Variants in LRRC4 observed in about 807,000 individuals in gnomAD.
The protein encoded by LRRC4 is leucine-rich repeat-containing protein 4.
Under a neutral mutation model 37.9 loss-of-function variants are expected in LRRC4, and 11 were observed. The observed-to-expected ratio is 0.29, with a 90% confidence interval of 0.18 to 0.48. LRRC4 has a LOEUF of 0.48. Among genes scored for constraint, LRRC4 ranks in the 20% least tolerant of loss-of-function variants. The probability of loss-of-function intolerance (pLI) is 0.99; values close to 1 mark genes in which losing one functional copy is unlikely to be tolerated. For missense variants in LRRC4, 717 were observed against 842.1 expected, an observed-to-expected ratio of 0.85 and a Z score of 1.84; for synonymous variants, 404 against 346.7, an observed-to-expected ratio of 1.17 and a Z score of -1.84.
Position 128,029,913 on chromosome 7 carries a change from G to A in LRRC4, c.728C>T (p.Ser243Phe), listed in dbSNP as rs762463640. The change falls in exon 2 of 2, where the codon TCC (serine) becomes TTC (phenylalanine). Residue 243 changes from serine (S) to phenylalanine (F), a missense_variant. Transcript: ENST00000249363. This position sits in a 1 kb window ranked among gnomAD's most constrained non-coding sequence, Gnocchi z 4.2. ...IRPGSFHGLS[S>F]LKKLWVMNSQ... ...GTTCATGACCCAGAGCTTCTTGAGGGAGCTCAGGCCATGGAAGGAGCCAGG... is the reference window on the plus strand; with the variant it reads ...GTTCATGACCCAGAGCTTCTTGAGGAAGCTCAGGCCATGGAAGGAGCCAGG... 3.7e-6 allele frequency: 6 copies of A among 1,613,216 alleles called. No homozygotes were observed.
chr7:128,030,272 G>A lies in LRRC4; in HGVS notation c.369C>T (p.Ala123=), dbSNP rs147967619. 5.6e-6 allele frequency: 9 copies of A among 1,614,058 alleles called. No homozygotes were observed. Among genetic ancestry groups the A allele is most frequent in the Non-Finnish European group, 6.8e-6 (8 of 1,180,040 alleles). The change falls in exon 2 of 2, where the codon GCC becomes GCT. Residue 123 remains alanine, a synonymous_variant. Transcript: ENST00000249363. ...CGAACAGCTCCAGGGTGTTGAGGCT[G>A]GCCAGGCCGTTGAAGGCCCCCACCT... ...QIEVGAFNGL[A]SLNTLELFDN...
At chr7:128,032,073 C>A (rs1251364121), upstream of LRRC4, 1 of 151,970 alleles carries the variant, frequency 6.6e-6, no homozygotes, top group Non-Finnish European at 1.5e-5. Flanking sequence ...AGACTGCTCT[C>A]TCATCCTTTT....
In LRRC4 at chr7:128,029,406, G is replaced by A. The variant is rs753982427; in HGVS notation, c.1235C>T (p.Ser412Phe). 3 of 1,614,224 alleles carry A rather than the reference G, an allele frequency of 1.9e-6. No individual in the cohort carries two copies. In the East Asian group the frequency reaches 6.7e-5, roughly 36 times the overall value. ...SVLNDGTLNF[S>F]HVLLSDTGVY... Reference sequence around the variant, plus strand: ...CCCAGTGTCTGAAAGCAGCACGTGGGAAAAGTTCAAGGTGCCGTCGTTGAG... The same window carrying A: ...CCCAGTGTCTGAAAGCAGCACGTGGAAAAAGTTCAAGGTGCCGTCGTTGAG... The change falls in exon 2 of 2, where the codon TCC becomes TTC. Residue 412 changes from serine to phenylalanine, a missense_variant. Ser to Phe is a radical substitution (Grantham distance 155). Coordinates refer to ENST00000249363, the MANE Select transcript of LRRC4 (RefSeq NM_022143.5). The surrounding 1 kb of genome is among the most constrained non-coding windows in gnomAD (Gnocchi z 4.2).
chr7:128,029,942 G>C lies in LRRC4; in HGVS notation c.699C>G (p.Ile233Met), dbSNP rs750383119. Reference sequence around the variant, plus strand: ...TCAGGCCATGGAAGGAGCCAGGCCTGATCTCAGGGAAGTGGTTCCCTGACA... The same window carrying C: ...TCAGGCCATGGAAGGAGCCAGGCCTCATCTCAGGGAAGTGGTTCCCTGACA... ...LEMSGNHFPE[I>M]RPGSFHGLSS... Residue 233 changes from isoleucine to methionine, a missense_variant, in exon 2 of 2, where the codon ATC becomes ATG. By Grantham distance (10) the Ile-to-Met change is conservative (BLOSUM62 1). Coordinates refer to ENST00000249363, the MANE Select transcript of LRRC4 (RefSeq NM_022143.5). The surrounding 1 kb of genome is among the most constrained non-coding windows in gnomAD (Gnocchi z 4.2). 1 of 1,613,070 alleles carries C rather than the reference G, an allele frequency of 6.2e-7. No individual in the cohort carries two copies. Among genetic ancestry groups the C allele is most frequent in the African/African-American group, 1.3e-5 (1 of 74,906 alleles).
At chr7:128,031,821 C>T (rs1178103471), upstream of LRRC4, among the ~76,000 whole-genome samples, 4 of 149,448 alleles carry the variant, frequency 2.7e-5, no homozygotes, top group South Asian at 2.1e-4. Context: ...CCGCCGGCTC[C>T]GGCTTTGTGC....
chr7:128,029,426 G>C lies in LRRC4; in HGVS notation c.1215C>G (p.Asn405Lys). Residue 405 changes from asparagine (N) to lysine (K), a missense_variant, in exon 2 of 2, where the codon AAC becomes AAG. Physicochemically the swap from Asn to Lys is moderately conservative, Grantham distance 94. Coordinates refer to ENST00000249363, the MANE Select transcript of LRRC4 (RefSeq NM_022143.5). The surrounding 1 kb of genome is among the most constrained non-coding windows in gnomAD (Gnocchi z 4.2). ...CGTGGGAAAAGTTCAAGGTGCCGTC[G>C]TTGAGGACAGAGATCCTTGGGTGGC... is the stretch of plus-strand genomic sequence containing the variant. ...ASRHPRISVLNDGTLNFSHVL... is the reference protein window; with the variant it reads ...ASRHPRISVLKDGTLNFSHVL... 6.2e-7 allele frequency: 1 copy of C among 1,614,202 alleles called. No individual in the cohort carries two copies. Among genetic ancestry groups the C allele is most frequent in the South Asian group, 1.1e-5 (1 of 91,090 alleles).
rs1429073851 is a variant in LRRC4 at position 128,028,146 on chromosome 7, A to G, written c.*533T>C. On this transcript the variant is annotated 3_prime_UTR_variant, in exon 2 of 2. Coordinates refer to ENST00000249363, the MANE Select transcript of LRRC4 (RefSeq NM_022143.5). ...GCCTCTGAAGAAAAATATTATTGCC[A>G]CTATCATTTTGGCACAGTACAAATT... 2 of 152,418 alleles carry G rather than the reference A, an allele frequency of 1.3e-5. No individual in the cohort carries two copies. Among genetic ancestry groups the G allele is most frequent in the Non-Finnish European group, 2.9e-5 (2 of 68,040 alleles). The allele number at this position is 152,418 out of a possible 1,614,324, so 9.4% of individuals were successfully genotyped here.
At chr7:128,030,788 G>T in intron 1 of LRRC4, 48 bp from the exon 2 acceptor site, 1 of 1,047,820 alleles carries the variant, frequency 9.5e-7, no homozygotes, top group Non-Finnish European at 1.3e-6. Context: ...GGAGCGGATC[G>T]GCCGAAAAAA....
At chr7:128,031,800 C>A (rs950318108), upstream of LRRC4, among the ~76,000 whole-genome samples, 30 of 147,092 alleles carry the variant, frequency 2.0e-4, no homozygotes, top group Non-Finnish European at 3.0e-4. Context: ...CGCTGCCCGG[C>A]CCCCGGCGCG....
chr7:128,029,410 A>C lies in LRRC4; in HGVS notation c.1231T>G (p.Phe411Val). Residue 411 changes from phenylalanine to valine, a missense_variant, in exon 2 of 2, where the codon TTT becomes GTT. Physicochemically the swap from Phe to Val is conservative, Grantham distance 50. Around this residue, in one of 5 missense-constraint regions of LRRC4, gnomAD observed 293 missense variants for 268.3 expected, o/e 1.09. Transcript: ENST00000249363. The surrounding 1 kb of genome is among the most constrained non-coding windows in gnomAD (Gnocchi z 4.2). ...ISVLNDGTLN[F>V]SHVLLSDTGV... Reference sequence around the variant, plus strand: ...GTGTCTGAAAGCAGCACGTGGGAAAAGTTCAAGGTGCCGTCGTTGAGGACA... The same window carrying C: ...GTGTCTGAAAGCAGCACGTGGGAAACGTTCAAGGTGCCGTCGTTGAGGACA... The C allele has an allele frequency of 6.2e-7, 1 of 1,614,172 alleles. No individual in the cohort carries two copies. The highest frequency in any genetic ancestry group is 8.5e-7 in the Non-Finnish European group (1 of 1,180,042).
Position 128,028,706 on chromosome 7 carries a change from C to T in LRRC4, c.1935G>A (p.Lys645=). The T allele has an allele frequency of 3.1e-6, 5 of 1,613,308 alleles. No individual in the cohort carries two copies. Among genetic ancestry groups the T allele is most frequent in the Non-Finnish European group, 4.2e-6 (5 of 1,179,590 alleles). The part of the protein sequence containing the change: ...SEPYIIQTHT[K]DKVQETQI Reference sequence around the variant, plus strand: ...ATATTTGAGTTTCCTGTACCTTGTCCTTGGTATGGGTCTGAATTATATAAG... The same window carrying T: ...ATATTTGAGTTTCCTGTACCTTGTCTTTGGTATGGGTCTGAATTATATAAG... The change falls in exon 2 of 2, where the codon AAG becomes AAA. Residue 645 remains lysine (K), a synonymous_variant. Coordinates refer to ENST00000249363, the MANE Select transcript of LRRC4 (RefSeq NM_022143.5).
chr7:128,027,936 C>G lies in LRRC4; in HGVS notation c.*743G>C, dbSNP rs1803526316. On this transcript the variant is annotated 3_prime_UTR_variant, in exon 2 of 2. Coordinates refer to ENST00000249363, the MANE Select transcript of LRRC4 (RefSeq NM_022143.5). ...CAATGTGAAAGCATTAGACTGAGAG[C>G]TACGCCAGCTCCCGTCCTTCTCTGC... The G allele has an allele frequency of 6.6e-6, 1 of 152,490 alleles. No homozygotes were observed. Among genetic ancestry groups the G allele is most frequent in the African/African-American group, 2.4e-5 (1 of 41,438 alleles). The allele number at this position is 152,490 out of a possible 1,614,324, so 9.4% of individuals were successfully genotyped here. A position where few individuals can be genotyped will look rare whatever the true frequency, so the allele number is the denominator to read the frequency against.
upstream of LRRC4, chr7:128,031,645 C>A (rs1306391990): frequency 1.2e-4 from 18 of 147,554 alleles, no homozygotes; most frequent in Non-Finnish European, 2.3e-4. Context: ...TGCGCTCGGA[C>A]CCGGTCCGCC....
Position 128,028,676 on chromosome 7 carries a change from G to C in LRRC4, c.*3C>G. Reference sequence around the variant, plus strand: ...ATTTTATAAGTTTTTTGGGGGAGGGGAGTCATATTTGAGTTTCCTGTACCT... The same window carrying C: ...ATTTTATAAGTTTTTTGGGGGAGGGCAGTCATATTTGAGTTTCCTGTACCT... On this transcript the variant is annotated 3_prime_UTR_variant, in exon 2 of 2. Coordinates refer to ENST00000249363, the MANE Select transcript of LRRC4 (RefSeq NM_022143.5). The C allele has an allele frequency of 6.2e-7, 1 of 1,601,396 alleles. No individual in the cohort carries two copies. Among genetic ancestry groups the C allele is most frequent in the Non-Finnish European group, 8.5e-7 (1 of 1,172,808 alleles).
Position 128,028,676 on chromosome 7 carries a change from G to A in LRRC4, c.*3C>T, listed in dbSNP as rs1257638904. The A allele has an allele frequency of 3.1e-6, 5 of 1,601,278 alleles. 1 individual carries two copies. In the Admixed American group the frequency reaches 6.8e-5, roughly 22 times the overall value. ...ATTTTATAAGTTTTTTGGGGGAGGG[G>A]AGTCATATTTGAGTTTCCTGTACCT... is the stretch of plus-strand genomic sequence containing the variant. On this transcript the variant is annotated 3_prime_UTR_variant, in exon 2 of 2. Coordinates refer to ENST00000249363, the MANE Select transcript of LRRC4 (RefSeq NM_022143.5).
upstream of LRRC4, chr7:128,031,995 C>G (rs926922536): frequency 1.3e-5 from 2 of 148,270 alleles, no homozygotes; most frequent in African/African-American, 5.0e-5. Flanking sequence ...AGCAGCGGGG[C>G]CCCTGCGCGC....
chr7:128,029,461 G>A lies in LRRC4; in HGVS notation c.1180C>T (p.His394Tyr), dbSNP rs1563094218. Reference sequence around the variant, plus strand: ...GAGATCCTTGGGTGGCGGGAGGCGTGGCTGAGCACTGTCCCATTGGGCAGC... The same window carrying A: ...GAGATCCTTGGGTGGCGGGAGGCGTAGCTGAGCACTGTCCCATTGGGCAGC... ...WLLPNGTVLS[H>Y]ASRHPRISVL... Residue 394 changes from histidine to tyrosine, a missense_variant, in exon 2 of 2, where the codon CAC becomes TAC. This residue lies in a region of LRRC4 where 293 missense variants were observed against 268.3 expected (regional missense o/e 1.09). Coordinates refer to ENST00000249363, the MANE Select transcript of LRRC4 (RefSeq NM_022143.5). This position sits in a 1 kb window ranked among gnomAD's most constrained non-coding sequence, Gnocchi z 4.2. The A allele has an allele frequency of 6.2e-7, 1 of 1,614,164 alleles. No homozygotes were observed. The highest frequency in any genetic ancestry group is 8.5e-7 in the Non-Finnish European group (1 of 1,180,032).
In LRRC4 at chr7:128,029,381, C is replaced by A; in HGVS notation, c.1260G>T (p.Gly420=). ...NFSHVLLSDT[G]VYTCMVTNVA... ...CATTGGTCACCATGCATGTGTACACCCCAGTGTCTGAAAGCAGCACGTGGG... is the reference window on the plus strand; with the variant it reads ...CATTGGTCACCATGCATGTGTACACACCAGTGTCTGAAAGCAGCACGTGGG... The change falls in exon 2 of 2, where the codon GGG becomes GGT. Residue 420 remains glycine (G), a synonymous_variant. Transcript: ENST00000249363. This position sits in a 1 kb window ranked among gnomAD's most constrained non-coding sequence, Gnocchi z 4.2. 1 of 1,614,116 alleles carries A rather than the reference C, an allele frequency of 6.2e-7. No individual in the cohort carries two copies. Among genetic ancestry groups the A allele is most frequent in the Non-Finnish European group, 8.5e-7 (1 of 1,180,038 alleles).
At position 128,029,147 on chromosome 7, in the gene LRRC4, G is replaced by A; in HGVS notation, c.1494C>T (p.Thr498=). 1 of 1,614,110 alleles carries A rather than the reference G, an allele frequency of 6.2e-7. No homozygotes were observed. The highest frequency in any genetic ancestry group is 8.5e-7 in the Non-Finnish European group (1 of 1,180,024). ...GTACTGCCACCTGCTTGGGCACACG[G>A]GTAGTCTGAATGAGCACCGTGGTAG... is the stretch of plus-strand genomic sequence containing the variant. ...TTSTTVLIQT[T]RVPKQVAVPA... Residue 498 remains threonine (T), a synonymous_variant, in exon 2 of 2, where the codon ACC becomes ACT. Transcript: ENST00000249363. This position sits in a 1 kb window ranked among gnomAD's most constrained non-coding sequence, Gnocchi z 4.2.
Sources: allele counts gnomAD v4.1 joint callset (sites outside exome capture counted in the v4.1 genomes callset), GRCh38; gene constraint gnomAD v4.1.1; regional missense constraint gnomAD v4.1.1; non-coding constraint Gnocchi (gnomAD v3.1); transcripts MANE v1.5; gene names NCBI Gene and HGNC (gene_info 2026-07-23, HGNC 2026-07-21).